MEP1B: variants seen among roughly 807,000 people sequenced by gnomAD.
The protein encoded by MEP1B is N-benzoyl-L-tyrosyl-P-amino-benzoic acid hydrolase subunit beta.
MEP1B carries 80 observed loss-of-function variants against 84.6 expected under a neutral mutation model. That is an observed-to-expected ratio of 0.95 (90% confidence interval 0.79 to 1.14). The LOEUF (loss-of-function observed/expected upper bound fraction) is 1.14. Among genes scored for constraint, MEP1B ranks in the 50% most tolerant of loss-of-function variants. The probability of loss-of-function intolerance (pLI) is 0.00; values close to 1 mark genes in which losing one functional copy is unlikely to be tolerated. For missense variants in MEP1B, 766 were observed against 855.1 expected (o/e 0.90, Z 1.30); for synonymous variants, 273 against 288.1 (o/e 0.95, Z 0.53).
Position 32,215,092 on chromosome 18 carries a change from C to T in MEP1B, c.1590C>T (p.Asn530=). Reference sequence around the variant, plus strand: ...AAATTGCTTTTTCAGATAATGGAAACTATTTCTGGGACAGGCCTTCTAAAG... The same window carrying T: ...AAATTGCTTTTTCAGATAATGGAAATTATTTCTGGGACAGGCCTTCTAAAG... ...TDPFMTTDNG[N]YFWDRPSKVG... The change falls in exon 12 of 15, where the codon AAC becomes AAT. Residue 530 remains asparagine (N), a synonymous_variant. Transcript: ENST00000269202. 1.3e-6 allele frequency: 2 copies of T among 1,590,982 alleles called. No homozygotes were observed. The highest frequency in any genetic ancestry group is 2.2e-5 in the East Asian group (1 of 44,618).
chr18:32,215,512 T>A (rs923794837), intron 12 of MEP1B, among the ~76,000 whole-genome samples: 1 of 152,126 alleles, frequency 6.6e-6, no homozygotes, highest in African/African-American at 2.4e-5. Flanking sequence ...ACCTTTAGGT[T>A]GGGAAATTTC....
intron 10 of MEP1B, among the ~76,000 whole-genome samples, chr18:32,212,738 A>G (rs2041041022): frequency 6.6e-6 from 1 of 152,236 alleles, no homozygotes; most frequent in African/African-American, 2.4e-5. Flanking sequence ...TTGCCTGAGT[A>G]TCACAGGAAT....
At chr18:32,211,865 T>C (rs377552281) in intron 10 of MEP1B, among the ~76,000 whole-genome samples, 14 of 152,196 alleles carry the variant, frequency 9.2e-5, no homozygotes, top group African/African-American at 2.9e-4. Context: ...TTATGCAATA[T>C]AGTATGCCAT....
chr18:32,213,645 T>C, intron 11 of MEP1B, 86 bp downstream of exon 11: 1 of 1,002,598 alleles, frequency 1.0e-6, no homozygotes, highest in Non-Finnish European at 1.5e-6. Context: ...ATTGCACAGT[T>C]AGTTACCTAG....
rs761663482 is a variant in MEP1B at position 32,217,112 on chromosome 18, G to C, written c.1881G>C (p.Glu627Asp). 2.5e-6 allele frequency: 4 copies of C among 1,613,500 alleles called. No individual in the cohort carries two copies. The East Asian group carries it at 8.9e-5, about 36-fold the overall frequency. ...GCACTGTTCGAGATGGCAAAGCTGA[G>C]TGCAGGTAAGGATGATTTGAAAGAG... ...GVCTVRDGKA[E>D]CRCQSGEDWW... Residue 627 changes from glutamate (E) to aspartate (D), a missense_variant, in exon 13 of 15, where the codon GAG (glutamate) becomes GAC (aspartate). Glu to Asp is a conservative substitution (Grantham distance 45). Transcript: ENST00000269202.
At position 32,204,373 on chromosome 18, in the gene MEP1B, T is replaced by C. The variant is rs1173730487; in HGVS notation, c.547+13T>C. 7 of 1,563,660 alleles carry C rather than the reference T, an allele frequency of 4.5e-6. No homozygotes were observed. Among genetic ancestry groups the C allele is most frequent in the Non-Finnish European group, 6.1e-6 (7 of 1,151,646 alleles). ...AGAATTCTGTCAGGTACATTTCTCT[T>C]TTTTTCCTATGTTTTTAGTTAAGGA... On this transcript the variant is annotated intron_variant, in intron 7 of 14. Coordinates refer to ENST00000269202, the MANE Select transcript of MEP1B (RefSeq NM_005925.3).
chr18:32,219,403 A>C (rs2041126637), intron 14 of MEP1B, among the ~76,000 whole-genome samples: 1 of 152,236 alleles, frequency 6.6e-6, no homozygotes, highest in African/African-American at 2.4e-5. Context: ...TTTTGTTTTA[A>C]GACAACTTTC....
intron 14 of MEP1B, among the ~76,000 whole-genome samples, chr18:32,218,888 C>T (rs2041122183): frequency 6.6e-6 from 1 of 152,230 alleles, no homozygotes; most frequent in Non-Finnish European, 1.5e-5. Flanking sequence ...GACAAAGCAG[C>T]AGTTCCCTAG....
rs763877471 is a variant in MEP1B, at chr18:32,213,220, GGTCT to G, written c.1245_1248del (p.Ser416LeufsTer18). ...CAAAGGCTCTGGTGCATCACTGGGT[GGTCT>G]GTCTATTGATGACATCAATCTTTCG... is the stretch of plus-strand genomic sequence containing the variant. On this transcript the variant is annotated frameshift_variant, in exon 11 of 15. Transcript: ENST00000269202. LOFTEE classifies it high-confidence loss of function. 5.6e-6 allele frequency: 9 copies of G among 1,613,790 alleles called. No homozygotes were observed. Among genetic ancestry groups the G allele is most frequent in the East Asian group, 2.2e-5 (1 of 44,894 alleles).
intron 7 of MEP1B, among the ~76,000 whole-genome samples, chr18:32,206,400 C>A (rs1450858931): frequency 6.6e-6 from 1 of 150,984 alleles, no homozygotes; most frequent in Non-Finnish European, 1.5e-5. Context: ...GCCATCGTTG[C>A]TGGCCAATGC....
intron 10 of MEP1B, among the ~76,000 whole-genome samples, chr18:32,211,046 C>T (rs2041021734): frequency 6.6e-6 from 1 of 152,118 alleles, no homozygotes; most frequent in African/African-American, 2.4e-5. Context: ...GTCGGATCAC[C>T]TGAGGTCACG....
intron 12 of MEP1B, 101 bp from the exon 13 acceptor site, chr18:32,216,890 A>C: frequency 1.5e-6 from 2 of 1,372,132 alleles, no homozygotes; most frequent in Non-Finnish European, 2.0e-6. Context: ...AGAAAGAAAG[A>C]AAAAAGGAAA....
intron 5 of MEP1B, among the ~76,000 whole-genome samples, chr18:32,198,736 G>A (rs1372523187): frequency 1.3e-5 from 2 of 152,122 alleles, no homozygotes; most frequent in Non-Finnish European, 2.9e-5. Context: ...ATAACATGGG[G>A]CCACCAAAAG....
At position 32,202,949 on chromosome 18, in the gene MEP1B, T is replaced by C; in HGVS notation, c.307T>C (p.Cys103Arg). The change falls in exon 6 of 15, where the codon TGT becomes CGT. Residue 103 changes from cysteine (C) to arginine (R), a missense_variant. Transcript: ENST00000269202. ...ATTTGAACGTTATCGCCTTAAAACA[T>C]GTATTGACTTTAAGCCTTGGGCTGG... ...NAFERYRLKT[C>R]IDFKPWAGET... 1 of 1,613,108 alleles carries C rather than the reference T, an allele frequency of 6.2e-7. No individual in the cohort carries two copies. Among genetic ancestry groups the C allele is most frequent in the Non-Finnish European group, 8.5e-7 (1 of 1,179,560 alleles).
In MEP1B at chr18:32,215,773, A is replaced by G. The variant is rs1458343716; in HGVS notation, c.1759+512A>G. Among the ~76,000 whole-genome samples, 4 of 152,158 alleles carry G rather than the reference A, an allele frequency of 2.6e-5. 1 individual carries two copies. The South Asian group carries it at 6.2e-4, about 24-fold the overall frequency. Reference sequence around the variant, plus strand: ...CGGGAGGCGGAGCTTGCAGTGAGCCAAGTTCGTGCCACTGCACTCCAGCCT... The same window carrying G: ...CGGGAGGCGGAGCTTGCAGTGAGCCGAGTTCGTGCCACTGCACTCCAGCCT... On this transcript the variant is annotated intron_variant, in intron 12 of 14. Coordinates refer to ENST00000269202, the MANE Select transcript of MEP1B (RefSeq NM_005925.3).
At chr18:32,204,105 C>G (rs978594721) in intron 6 of MEP1B, 77 bp from the exon 7 acceptor site, 2 of 1,251,992 alleles carry the variant, frequency 1.6e-6, no homozygotes, top group Non-Finnish European at 2.3e-6. Flanking sequence ...ATGAAGTGGA[C>G]TAGGCAGTGG....
At chr18:32,197,131 C>T (rs530332735) in intron 5 of MEP1B, among the ~76,000 whole-genome samples, 1 of 152,152 alleles carries the variant, frequency 6.6e-6, no homozygotes, top group East Asian at 1.9e-4. Flanking sequence ...GATAAAAGAG[C>T]TTTCATCATC....
chr18:32,207,507 C>T (rs371309689), intron 8 of MEP1B, 37 bp downstream of exon 8: 27 of 1,426,712 alleles, frequency 1.9e-5, no homozygotes, highest in Non-Finnish European at 2.1e-5. Flanking sequence ...TTATATTTTC[C>T]GCTGTTATGT....
In MEP1B at chr18:32,190,113, C is replaced by T. The variant is rs781373051; in HGVS notation, c.43C>T (p.Leu15Phe). The change falls in exon 1 of 15, where the codon CTT becomes TTT. Residue 15 changes from leucine (L) to phenylalanine (F), a missense_variant. Leu to Phe is a conservative substitution (Grantham distance 22). Transcript: ENST00000269202. ...NLSWFLFLDALLVISGLATPE... is the reference protein window; with the variant it reads ...NLSWFLFLDAFLVISGLATPE... ...GTCTTGGTTTCTGTTCTTGGATGCT[C>T]TTCTCGTGATTTCTGGCTTGGTAAG... 1.2e-6 allele frequency: 2 copies of T among 1,613,310 alleles called. No homozygotes were observed. Among genetic ancestry groups the T allele is most frequent in the Non-Finnish European group, 1.7e-6 (2 of 1,179,592 alleles).
Sources: gnomAD v4.1 joint callset for allele counts (sites outside exome capture counted in the v4.1 genomes callset) on GRCh38, gnomAD v4.1.1 for gene constraint, MANE v1.5 for transcripts, NCBI Gene and HGNC (gene_info 2026-07-23, HGNC 2026-07-21) for gene names.